ICOS: variants seen among roughly 807,000 people sequenced by gnomAD.
The protein encoded by ICOS is inducible T-cell costimulator.
Under a neutral mutation model 24.6 loss-of-function variants are expected in ICOS, and 15 were observed. The ratio of observed to expected loss-of-function variants is 0.61; its 90% CI spans 0.41 to 0.94. ICOS has a LOEUF of 0.94. Ranked by LOEUF, ICOS falls within the 40% of genes least tolerant of loss-of-function variation. The pLI, the probability that ICOS is intolerant of heterozygous loss-of-function variation, is 0.00. For synonymous variants in ICOS, 89 were observed against 77.5 expected (o/e 1.15, Z -0.78); for missense variants, 200 against 233.0 (o/e 0.86, Z 0.92).
intron 1 of ICOS, among the ~76,000 whole-genome samples, chr2:203,944,996 G>A (rs1689843255): frequency 6.6e-6 from 1 of 152,132 alleles, no homozygotes; most frequent in Middle Eastern, 3.2e-3. Context: ...GAAAGAAATG[G>A]CCAAAAAGTT....
At chr2:203,948,891 A>G (rs1689920062) in intron 1 of ICOS, among the ~76,000 whole-genome samples, 1 of 152,180 alleles carries the variant, frequency 6.6e-6, no homozygotes, top group Non-Finnish European at 1.5e-5. Context: ...GAACAGAAAG[A>G]AGGGCAGTGT....
At chr2:203,949,585 T>C (rs1485579209) in intron 1 of ICOS, among the ~76,000 whole-genome samples, 1 of 152,134 alleles carries the variant, frequency 6.6e-6, no homozygotes, top group Non-Finnish European at 1.5e-5. Flanking sequence ...GTTGATGAAA[T>C]TTATTAGCAA....
chr2:203,947,138 G>T (rs919034790), intron 1 of ICOS, among the ~76,000 whole-genome samples: 1 of 152,058 alleles, frequency 6.6e-6, no homozygotes, highest in East Asian at 1.9e-4. Flanking sequence ...GCAATTCTCA[G>T]GTGAATGACC....
At chr2:203,952,770 T>A (rs1690008099) in intron 1 of ICOS, among the ~76,000 whole-genome samples, 1 of 152,216 alleles carries the variant, frequency 6.6e-6, no homozygotes, top group Non-Finnish European at 1.5e-5. Context: ...TTTTCTCTTA[T>A]TTGCTTAAAC....
Position 203,959,908 on chromosome 2 carries a change from G to A in ICOS, c.*309G>A. On this transcript the variant is annotated 3_prime_UTR_variant, in exon 5 of 5. Coordinates refer to ENST00000316386, the MANE Select transcript of ICOS (RefSeq NM_012092.4). Reference sequence around the variant, plus strand: ...TCTGCTCCTAGCAGTGCATCAGCCAGTAAAACAAACACATTTACAAGAAAA... The same window carrying A: ...TCTGCTCCTAGCAGTGCATCAGCCAATAAAACAAACACATTTACAAGAAAA... 1 of 480,040 alleles carries A rather than the reference G, an allele frequency of 2.1e-6. No individual in the cohort carries two copies. 29.7% of individuals were successfully genotyped at this position (480,040 alleles called of 1,614,324 possible). A position where few individuals can be genotyped will look rare whatever the true frequency, so the allele number is the denominator to read the frequency against.
chr2:203,949,191 T>C (rs1689925870), intron 1 of ICOS, among the ~76,000 whole-genome samples: 1 of 152,062 alleles, frequency 6.6e-6, no homozygotes, highest in Admixed American at 6.5e-5. Flanking sequence ...GGAGGAGAAG[T>C]GGATAGATTC....
intron 1 of ICOS, among the ~76,000 whole-genome samples, chr2:203,944,005 G>T (rs768529488): frequency 6.6e-6 from 1 of 152,074 alleles, no homozygotes; most frequent in Non-Finnish European, 1.5e-5. Flanking sequence ...TCCTCTAACC[G>T]CCCCAAGTCT....
intron 1 of ICOS, among the ~76,000 whole-genome samples, chr2:203,945,937 G>A (rs1406279507): frequency 6.6e-6 from 1 of 152,122 alleles, no homozygotes; most frequent in African/African-American, 2.4e-5. Context: ...GGAGCCATAG[G>A]TGCAAATGAG....
chr2:203,956,524 T>C, intron 2 of ICOS, 135 bp from the exon 3 acceptor site: 1 of 707,132 alleles, frequency 1.4e-6, no homozygotes, highest in Non-Finnish European at 2.6e-6. Context: ...GTTAGTCTAA[T>C]AACTTGCCCA....
chr2:203,956,687 C>G lies in ICOS; in HGVS notation c.423C>G (p.Phe141Leu). 6.2e-7 allele frequency: 1 copy of G among 1,613,338 alleles called. No homozygotes were observed. Among genetic ancestry groups the G allele is most frequent in the Non-Finnish European group, 8.5e-7 (1 of 1,179,406 alleles). ...CACAACTTTGTTGCCAGCTGAAGTT[C>G]TGGTTACCCATAGGATGTGCAGCCT... The part of the protein sequence containing the change: ...YESQLCCQLK[F>L]WLPIGCAAFV... Residue 141 changes from phenylalanine to leucine, a missense_variant, in exon 3 of 5, where the codon TTC (phenylalanine) becomes TTG (leucine). Physicochemically the swap from Phe to Leu is conservative, Grantham distance 22. Coordinates refer to ENST00000316386, the MANE Select transcript of ICOS (RefSeq NM_012092.4).
intron 1 of ICOS, among the ~76,000 whole-genome samples, chr2:203,939,561 A>G (rs1485950282): frequency 6.6e-6 from 1 of 152,202 alleles, no homozygotes; most frequent in Non-Finnish European, 1.5e-5. Context: ...ATAATACACC[A>G]GATTGGGAAG....
chr2:203,943,205 A>AT (rs1345309569), intron 1 of ICOS, among the ~76,000 whole-genome samples: 23 of 151,970 alleles, frequency 1.5e-4, no homozygotes, highest in African/African-American at 3.1e-4. Context: ...AACTAGTGTG[A>AT]TTTTTTGGGG....
intron 1 of ICOS, among the ~76,000 whole-genome samples, chr2:203,941,036 C>T (rs1437016260): frequency 6.6e-6 from 1 of 152,062 alleles, no homozygotes; most frequent in Non-Finnish European, 1.5e-5. Flanking sequence ...CGCCCACCTC[C>T]GCCTCCGCCT....
chr2:203,951,150 G>C (rs1022193295), intron 1 of ICOS, among the ~76,000 whole-genome samples: 13 of 151,974 alleles, frequency 8.6e-5, no homozygotes, highest in African/African-American at 3.1e-4. Flanking sequence ...TGCCATTCAA[G>C]AAAAATTGAG....
At chr2:203,948,669 A>C (rs6761201) in intron 1 of ICOS, among the ~76,000 whole-genome samples, 2 of 152,208 alleles carry the variant, frequency 1.3e-5, no homozygotes, top group African/African-American at 4.8e-5. Flanking sequence ...GATAAACCAG[A>C]TAATTTCAGA....
intron 1 of ICOS, among the ~76,000 whole-genome samples, chr2:203,954,319 T>C (rs1156695221): frequency 1.3e-5 from 2 of 152,174 alleles, no homozygotes; most frequent in African/African-American, 4.8e-5. Flanking sequence ...GGCATGGTGG[T>C]TCACGTCTGT....
At chr2:203,951,823 C>T (rs1467370001) in intron 1 of ICOS, among the ~76,000 whole-genome samples, 1 of 152,134 alleles carries the variant, frequency 6.6e-6, no homozygotes, top group East Asian at 1.9e-4. Context: ...GAGACATACG[C>T]ATCAAAGCAA....
intron 3 of ICOS, 69 bp from the exon 4 acceptor site, chr2:203,957,730 A>G: frequency 8.5e-7 from 1 of 1,177,792 alleles, no homozygotes. Context: ...CAAAGAATAG[A>G]AAACAGTCAA....
chr2:203,954,919 C>G (rs73056000), intron 1 of ICOS, among the ~76,000 whole-genome samples: 4,614 of 149,828 alleles, frequency 0.031, 215 homozygotes, highest in African/African-American at 0.1. Context: ...TACAATTATT[C>G]ATTTTTAAAC....
Sources: allele counts gnomAD v4.1 joint callset (sites outside exome capture counted in the v4.1 genomes callset), GRCh38; gene constraint gnomAD v4.1.1; transcripts MANE v1.5; gene names NCBI Gene and HGNC (gene_info 2026-07-23, HGNC 2026-07-21).